The following SPAM1 variants were observed in gnomAD, a reference collection of about 807,000 sequenced individuals.
SPAM1 encodes the protein hyaluronidase PH-20.
A neutral mutation model predicts 29.6 loss-of-function variants in SPAM1; 22 were observed. That is an observed-to-expected ratio of 0.74 (90% CI 0.53 to 1.06). SPAM1 has a LOEUF of 1.06. SPAM1 is among the 50% of genes least tolerant of loss of function. The pLI is 0.00. For missense variants in SPAM1, 534 were observed against 604.0 expected, an observed-to-expected ratio of 0.88 and a Z score of 1.21; for synonymous variants, 194 against 204.6, an observed-to-expected ratio of 0.95 and a Z score of 0.44.
Position 123,940,353 on chromosome 7 carries a change from C to G in SPAM1, c.-318-9519C>G, listed in dbSNP as rs150422630. On this transcript the variant is annotated intron_variant, in intron 1 of 4. Coordinates refer to ENST00000682466, the MANE Select transcript of SPAM1 (RefSeq NM_153189.3). The stretch of plus-strand genomic sequence containing the variant: ...TATTATATGCATTCTTTAATAAGCT[C>G]TGAGACCTACAAAGATATTTTGGAC... Among the ~76,000 whole-genome samples the G allele has an allele frequency of 4.7e-4, 71 of 152,202 alleles. 2 individuals are homozygous for G. The East Asian group carries it at 0.013, about 29-fold the overall frequency.
chr7:123,959,863 C>G lies in SPAM1; in HGVS notation c.1424C>G (p.Thr475Arg), dbSNP rs1194234574. The G allele has an allele frequency of 6.2e-7, 1 of 1,613,024 alleles. No individual in the cohort carries two copies. Among genetic ancestry groups the G allele is most frequent in the Non-Finnish European group, 8.5e-7 (1 of 1,179,464 alleles). ...GCTTTTCTAAAACCTCCCATGGAGA[C>G]AGAAGAACCTCAAATTTTCTACAAT... ...IDAFLKPPME[T>R]EEPQIFYNAS... The change falls in exon 5 of 5, where the codon ACA becomes AGA. Residue 475 changes from threonine to arginine, a missense_variant. Transcript: ENST00000682466.
chr7:123,927,479 C>T (rs924321816), intron 1 of SPAM1, among the ~76,000 whole-genome samples: 3 of 152,130 alleles, frequency 2.0e-5, no homozygotes, highest in African/African-American at 7.2e-5. Flanking sequence ...ATGACAATAG[C>T]TAGCTGTCCC....
intron 1 of SPAM1, among the ~76,000 whole-genome samples, chr7:123,937,386 A>C (rs184344388): frequency 6.6e-6 from 1 of 152,000 alleles, no homozygotes; most frequent in African/African-American, 2.4e-5. Context: ...CGGATCACAA[A>C]GTCAGGAGAT....
chr7:123,948,358 A>T (rs549836111), intron 1 of SPAM1, among the ~76,000 whole-genome samples: 1 of 152,274 alleles, frequency 6.6e-6, no homozygotes, highest in South Asian at 2.1e-4. Context: ...ACCAAATGTG[A>T]TGAGGATACG....
At chr7:123,951,802 A>G (rs934019300) in intron 2 of SPAM1, among the ~76,000 whole-genome samples, 1 of 151,938 alleles carries the variant, frequency 6.6e-6, no homozygotes, top group African/African-American at 2.4e-5. Flanking sequence ...TTGTATTTCT[A>G]GTGGAGATGA....
chr7:123,948,628 T>G (rs1006345955), intron 1 of SPAM1, among the ~76,000 whole-genome samples: 1 of 152,114 alleles, frequency 6.6e-6, no homozygotes, highest in Non-Finnish European at 1.5e-5. Context: ...GTCCTCCCCC[T>G]TTGGTAATGT....
chr7:123,940,765 G>A (rs1808404633), intron 1 of SPAM1, among the ~76,000 whole-genome samples: 1 of 152,032 alleles, frequency 6.6e-6, no homozygotes, highest in African/African-American at 2.4e-5. Flanking sequence ...CAAATCTCTG[G>A]AATTACAGCC....
intron 4 of SPAM1, among the ~76,000 whole-genome samples, chr7:123,955,472 T>C (rs1238784079): frequency 6.6e-6 from 1 of 151,970 alleles, no homozygotes; most frequent in Non-Finnish European, 1.5e-5. Context: ...GTTGACTCAA[T>C]AGGAAAGCTG....
intron 1 of SPAM1, among the ~76,000 whole-genome samples, chr7:123,935,574 A>G (rs760885719): frequency 1.3e-5 from 2 of 152,178 alleles, no homozygotes; most frequent in Non-Finnish European, 2.9e-5. Context: ...TGCTTAAGGA[A>G]TTCTCAGACA....
At chr7:123,952,723 A>G (rs999303906) in intron 2 of SPAM1, among the ~76,000 whole-genome samples, 2 of 152,124 alleles carry the variant, frequency 1.3e-5, no homozygotes, top group Non-Finnish European at 2.9e-5. Flanking sequence ...AATACAAAGT[A>G]GTAAAATGTT....
At chr7:123,966,266 AAC>A (rs1156946836) in intron 5 of SPAM1, among the ~76,000 whole-genome samples, 1 of 152,110 alleles carries the variant, frequency 6.6e-6, no homozygotes, top group Non-Finnish European at 1.5e-5. Flanking sequence ...AAAGTCAAGA[AAC>A]AACAGATGCT....
At chr7:123,968,477 C>G (rs1792457011) in intron 5 of SPAM1, among the ~76,000 whole-genome samples, 1 of 151,980 alleles carries the variant, frequency 6.6e-6, no homozygotes, top group South Asian at 2.1e-4. Context: ...CAATCTGACA[C>G]TAAGTTCCTT....
chr7:123,944,686 C>T (rs1415938010), intron 1 of SPAM1, among the ~76,000 whole-genome samples: 1 of 152,070 alleles, frequency 6.6e-6, no homozygotes, highest in Non-Finnish European at 1.5e-5. Flanking sequence ...AAAACATTTC[C>T]TTTAGACCTT....
At chr7:123,940,036 C>T (rs1271668162) in intron 1 of SPAM1, among the ~76,000 whole-genome samples, 1 of 152,048 alleles carries the variant, frequency 6.6e-6, no homozygotes, top group East Asian at 1.9e-4. Flanking sequence ...TTTGTTTCCC[C>T]TATTGCAATT....
intron 1 of SPAM1, among the ~76,000 whole-genome samples, chr7:123,934,126 A>C (rs1029404005): frequency 6.6e-6 from 1 of 152,194 alleles, no homozygotes; most frequent in Non-Finnish European, 1.5e-5. Context: ...AGGCTATATC[A>C]TCTAGGTTTG....
chr7:123,965,751 G>A (rs989843129), intron 5 of SPAM1, among the ~76,000 whole-genome samples: 18 of 151,954 alleles, frequency 1.2e-4, no homozygotes, highest in Admixed American at 1.1e-3. Flanking sequence ...CTCCAGCTTC[G>A]CTCTTTTTGT....
In SPAM1 at chr7:123,953,917, A is replaced by T; in HGVS notation, c.347A>T (p.Gln116Leu). Residue 116 changes from glutamine (Q) to leucine (L), a missense_variant, in exon 3 of 5, where the codon CAG becomes CTG. Coordinates refer to ENST00000682466, the MANE Select transcript of SPAM1 (RefSeq NM_153189.3). ...TGVTVNGGIP[Q>L]KISLQDHLDK... ...GTAACTGTGAATGGAGGAATCCCCC[A>T]GAAGATTTCCTTACAAGACCATCTG... 1 of 1,613,738 alleles carries T rather than the reference A, an allele frequency of 6.2e-7. No homozygotes were observed. Among genetic ancestry groups the T allele is most frequent in the Non-Finnish European group, 8.5e-7 (1 of 1,179,782 alleles).
Position 123,955,079 on chromosome 7 carries a change from G to A in SPAM1, c.1037G>A (p.Arg346Gln), listed in dbSNP as rs267601263. The change falls in exon 4 of 5, where the codon CGA (arginine) becomes CAA (glutamine). Residue 346 changes from arginine (R) to glutamine (Q), a missense_variant. Coordinates refer to ENST00000682466, the MANE Select transcript of SPAM1 (RefSeq NM_153189.3). ...ATATGGGGAACCCTCAGTATAATGC[G>A]AAGTATGGTAAGTTGAATTGGTAGA... ...IVIWGTLSIM[R>Q]SMKSCLLLDN... The A allele has an allele frequency of 1.8e-4, 287 of 1,604,274 alleles. 1 individual carries two copies. In the South Asian group the frequency reaches 2.9e-3, roughly 16 times the overall value.
chr7:123,963,723 A>G (rs925284704), downstream of SPAM1, among the ~76,000 whole-genome samples: 21 of 134,630 alleles, frequency 1.6e-4, no homozygotes, highest in Non-Finnish European at 1.4e-4. Context: ...AAAGTTTTTC[A>G]TGGGAAGCCC....
Sources: gnomAD v4.1 joint callset for allele counts (sites outside exome capture counted in the v4.1 genomes callset) on GRCh38, gnomAD v4.1.1 for gene constraint, MANE v1.5 for transcripts, NCBI Gene and HGNC (gene_info 2026-07-23, HGNC 2026-07-21) for gene names.